Variants in PKIB observed in about 807,000 individuals in gnomAD.
The protein encoded by PKIB is cAMP-dependent protein kinase inhibitor beta, also known as PKI-beta.
Under a neutral mutation model 4.5 loss-of-function variants are expected in PKIB, and 2 were observed. That is an observed-to-expected ratio of 0.44 (90% confidence interval 0.18 to 1.39). PKIB has a LOEUF of 1.39. Ranked by LOEUF, PKIB falls within the 40% of genes most tolerant of loss-of-function variation. The pLI is 0.27. For missense variants in PKIB, 94 were observed against 92.6 expected, an observed-to-expected ratio of 1.02 and a Z score of -0.06; for synonymous variants, 38 against 36.0, an observed-to-expected ratio of 1.06 and a Z score of -0.20.
intron 3 of PKIB, among the ~76,000 whole-genome samples, chr6:122,604,144 C>CT (rs1409552417): frequency 1.3e-5 from 2 of 152,162 alleles, no homozygotes; most frequent in African/African-American, 4.8e-5. Flanking sequence ...GTCTCATTTA[C>CT]TTGAAGAAGT....
chr6:122,702,326 CTTTTTTT>C (rs112095053), intron 3 of PKIB, among the ~76,000 whole-genome samples: 2 of 97,262 alleles, frequency 2.1e-5, no homozygotes, highest in Non-Finnish European at 2.0e-5. Flanking sequence ...TTTAAAAAAA[CTTTTTTT>C]TTTTTTTTTT....
At chr6:122,577,421 G>C (rs1397332455) in intron 2 of PKIB, among the ~76,000 whole-genome samples, 1 of 151,980 alleles carries the variant, frequency 6.6e-6, no homozygotes, top group Non-Finnish European at 1.5e-5. Flanking sequence ...TCATTACACT[G>C]CTTTTCAAAT....
chr6:122,525,861 T>C (rs966412475), intron 2 of PKIB, among the ~76,000 whole-genome samples: 2 of 152,192 alleles, frequency 1.3e-5, no homozygotes, highest in Admixed American at 6.6e-5. Context: ...TGACTCTTTC[T>C]TTCATAAAAT....
intron 3 of PKIB, among the ~76,000 whole-genome samples, chr6:122,589,967 A>G (rs1368222065): frequency 6.6e-6 from 1 of 152,144 alleles, no homozygotes; most frequent in Non-Finnish European, 1.5e-5. Context: ...GAAATATATT[A>G]TCTTTTGATG....
chr6:122,560,276 T>C (rs982127336), intron 2 of PKIB, among the ~76,000 whole-genome samples: 4 of 150,636 alleles, frequency 2.7e-5, no homozygotes, highest in African/African-American at 2.4e-5. Context: ...GTTGAATGCT[T>C]TTTTTTTTGC....
chr6:122,670,904 C>A lies in PKIB; in HGVS notation c.-75-4174C>A, dbSNP rs551799479. On this transcript the variant is annotated intron_variant, in intron 2 of 4. Coordinates refer to ENST00000368452, the MANE Select transcript of PKIB (RefSeq NM_181795.3). ...AAGTGGTTAACTTGCTTCACATAGTCAGATGATGTTCAGTGGATACATTTT... is the reference window on the plus strand; with the variant it reads ...AAGTGGTTAACTTGCTTCACATAGTAAGATGATGTTCAGTGGATACATTTT... 5.9e-5 allele frequency among the ~76,000 whole-genome samples: 9 copies of A among 152,336 alleles called. No individual in the cohort carries two copies. In the South Asian group the frequency reaches 1.5e-3, roughly 25 times the overall value.
chr6:122,640,889 A>G lies in PKIB; in HGVS notation c.-76+7522A>G, dbSNP rs112346915. Among the ~76,000 whole-genome samples the G allele has an allele frequency of 1.3e-3, 193 of 152,246 alleles. 1 individual carries two copies. The highest frequency in any genetic ancestry group is 4.4e-3 in the African/African-American group (184 of 41,570). ...TTAGTTTCACCTTCTCTTTGTTTTC[A>G]TAGTCTGTGTTCTGTTTTTTATTCG... is the stretch of plus-strand genomic sequence containing the variant. On this transcript the variant is annotated intron_variant, in intron 2 of 4. Transcript: ENST00000368452.
intron 2 of PKIB, among the ~76,000 whole-genome samples, chr6:122,518,754 A>C (rs1055235583): frequency 2.6e-5 from 4 of 152,296 alleles, no homozygotes; most frequent in Middle Eastern, 3.4e-3. Context: ...AGAAGAATTA[A>C]GTCCATGAGG....
chr6:122,623,213 A>G (rs1775309117), intron 1 of PKIB, among the ~76,000 whole-genome samples: 1 of 152,172 alleles, frequency 6.6e-6, no homozygotes, highest in African/African-American at 2.4e-5. Context: ...GAAAATAACA[A>G]TTCACAAGGA....
intron 3 of PKIB, among the ~76,000 whole-genome samples, chr6:122,601,703 T>A (rs1774373512): frequency 6.6e-6 from 1 of 152,226 alleles, no homozygotes. Flanking sequence ...ATATATTGTC[T>A]CTTCCTTATG....
intron 2 of PKIB, among the ~76,000 whole-genome samples, chr6:122,569,518 A>G (rs1295997604): frequency 6.6e-6 from 1 of 152,230 alleles, no homozygotes; most frequent in African/African-American, 2.4e-5. Context: ...AATTATGACC[A>G]GCACTTGAGA....
intron 1 of PKIB, among the ~76,000 whole-genome samples, chr6:122,611,026 T>C (rs756854614): frequency 2.2e-4 from 34 of 152,330 alleles, no homozygotes; most frequent in Non-Finnish European, 2.6e-4. Flanking sequence ...TCACCTCACC[T>C]CACTGGCCTC....
intron 2 of PKIB, among the ~76,000 whole-genome samples, chr6:122,674,357 G>T (rs1777587737): frequency 6.6e-6 from 1 of 152,128 alleles, no homozygotes; most frequent in South Asian, 2.1e-4. Context: ...AAGAGTGAAT[G>T]GTAGGTTGAA....
chr6:122,718,973 A>G lies in PKIB; in HGVS notation c.169+1010A>G, dbSNP rs1425707839. 3.9e-5 allele frequency among the ~76,000 whole-genome samples: 6 copies of G among 152,234 alleles called. No individual in the cohort carries two copies. The South Asian group carries it at 1.2e-3, about 32-fold the overall frequency. The stretch of plus-strand genomic sequence containing the variant: ...TAAAAAAGCATACACATCAACGTAA[A>G]ATATTATAAGAAGAATGAAAAGAAG... On this transcript the variant is annotated intron_variant, in intron 4 of 4. Coordinates refer to ENST00000368452, the MANE Select transcript of PKIB (RefSeq NM_181795.3).
intron 2 of PKIB, among the ~76,000 whole-genome samples, chr6:122,547,576 G>C (rs567793112): frequency 2.4e-4 from 37 of 151,222 alleles, no homozygotes; most frequent in Non-Finnish European, 4.6e-4. Flanking sequence ...GACCTCAGGT[G>C]ATCCACCCAC....
chr6:122,684,387 C>A lies in PKIB; in HGVS notation c.-9+9243C>A, dbSNP rs549003185. 2.0e-5 allele frequency among the ~76,000 whole-genome samples: 3 copies of A among 152,184 alleles called. No homozygotes were observed. The East Asian group carries it at 5.8e-4, about 29-fold the overall frequency. The stretch of plus-strand genomic sequence containing the variant: ...AATAAAAATTGGGAGGAAAAAAACA[C>A]TTTCCCCTAAGCACAATAAAGACCT... On this transcript the variant is annotated intron_variant, in intron 3 of 4. Coordinates refer to ENST00000368452, the MANE Select transcript of PKIB (RefSeq NM_181795.3).
At chr6:122,715,229 A>G (rs775868871) in intron 3 of PKIB, among the ~76,000 whole-genome samples, 1 of 152,048 alleles carries the variant, frequency 6.6e-6, no homozygotes, top group African/African-American at 2.4e-5. Context: ...TAAATATTTA[A>G]GATCGCATAT....
chr6:122,515,747 TACTC>T (rs892888221), intron 2 of PKIB, among the ~76,000 whole-genome samples: 8 of 152,324 alleles, frequency 5.3e-5, no homozygotes, highest in Non-Finnish European at 7.4e-5. Flanking sequence ...GATGGAGTCT[TACTC>T]TGTCACTAGG....
At chr6:122,599,313 A>G (rs376738541) in intron 3 of PKIB, among the ~76,000 whole-genome samples, 246 of 152,312 alleles carry the variant, frequency 1.6e-3, no homozygotes, top group African/African-American at 5.8e-3. Context: ...CAAATTCAGT[A>G]TCCCCAGCTT....
Sources: allele counts gnomAD v4.1 joint callset (sites outside exome capture counted in the v4.1 genomes callset), GRCh38; gene constraint gnomAD v4.1.1; transcripts MANE v1.5; gene names NCBI Gene and HGNC (gene_info 2026-07-23, HGNC 2026-07-21).